SH3GL2: variants seen among roughly 807,000 people sequenced by gnomAD.
SH3GL2 encodes the protein SH3 domain containing GRB2 like 2, endophilin A1, also known as endophilin-A1.
SH3GL2 carries 24 observed loss-of-function variants against 46.0 expected under a neutral mutation model. The ratio of observed to expected loss-of-function variants is 0.52; its 90% CI spans 0.38 to 0.73. The LOEUF is 0.73. Ranked by LOEUF, SH3GL2 falls within the 30% of genes least tolerant of loss-of-function variation. The probability of loss-of-function intolerance (pLI) is 0.00; values close to 1 mark genes in which losing one functional copy is unlikely to be tolerated. For synonymous variants in SH3GL2, 196 were observed against 147.1 expected (o/e 1.33, Z -2.40); for missense variants, 413 against 424.2 (o/e 0.97, Z 0.23).
chr9:17,656,778 A>C (rs1337566777), intron 1 of SH3GL2, among the ~76,000 whole-genome samples: 1 of 150,940 alleles, frequency 6.6e-6, no homozygotes, highest in East Asian at 1.9e-4. Context: ...CTCAAAAAAA[A>C]AAAAAAAAAC....
chr9:17,731,704 C>A (rs1315905605), intron 1 of SH3GL2, among the ~76,000 whole-genome samples: 1 of 152,112 alleles, frequency 6.6e-6, no homozygotes, highest in African/African-American at 2.4e-5. Context: ...TGATAGACTC[C>A]CTCATCGCTG....
At chr9:17,597,654 C>T (rs993367550) in intron 1 of SH3GL2, among the ~76,000 whole-genome samples, 1 of 152,248 alleles carries the variant, frequency 6.6e-6, no homozygotes, top group South Asian at 2.1e-4. Context: ...TTGCAAGATG[C>T]TTCTTTCATA....
At position 17,688,342 on chromosome 9, in the gene SH3GL2, A is replaced by G. The variant is rs558215104; in HGVS notation, c.46-58724A>G. 3.3e-5 allele frequency among the ~76,000 whole-genome samples: 5 copies of G among 152,214 alleles called. No homozygotes were observed. In the South Asian group the frequency reaches 1.0e-3, roughly 32 times the overall value. ...AGCTTGCTTTGATCAACGGTGAAAAAAAATGTAGTTTGGGATGGAAAATGG... is the reference window on the plus strand; with the variant it reads ...AGCTTGCTTTGATCAACGGTGAAAAGAAATGTAGTTTGGGATGGAAAATGG... On this transcript the variant is annotated intron_variant, in intron 1 of 8. Coordinates refer to ENST00000380607, the MANE Select transcript of SH3GL2 (RefSeq NM_003026.5).
At chr9:17,699,510 C>T (rs10756901) in intron 1 of SH3GL2, among the ~76,000 whole-genome samples, 30,116 of 152,124 alleles carry the variant, frequency 0.2, 3,712 homozygotes, top group East Asian at 0.38. Context: ...AAAGGAATTT[C>T]GCTGAAATCT....
At chr9:17,780,115 T>C (rs1406050822) in intron 3 of SH3GL2, among the ~76,000 whole-genome samples, 1 of 152,174 alleles carries the variant, frequency 6.6e-6, no homozygotes, top group African/African-American at 2.4e-5. Context: ...ATACAAAAAG[T>C]ACAACACATA....
chr9:17,647,411 TTCTCTCTCTC>T (rs144759576), intron 1 of SH3GL2, among the ~76,000 whole-genome samples: 3,894 of 150,428 alleles, frequency 0.026, 73 homozygotes, highest in Middle Eastern at 0.052. Flanking sequence ...TCTTGTTAGT[TTCTCTCTCTC>T]TCTCTCTGTC....
intron 1 of SH3GL2, among the ~76,000 whole-genome samples, chr9:17,728,287 G>A (rs1401748741): frequency 6.6e-6 from 1 of 152,034 alleles, no homozygotes; most frequent in Non-Finnish European, 1.5e-5. Context: ...AAGGAAGGGT[G>A]TATGTATTTA....
intron 2 of SH3GL2, among the ~76,000 whole-genome samples, chr9:17,753,868 AG>A (rs1234524546): frequency 1.3e-5 from 2 of 152,168 alleles, no homozygotes; most frequent in Non-Finnish European, 2.9e-5. Context: ...GGTGTAAGGA[AG>A]GGGTCCAGTT....
At chr9:17,586,702 T>C (rs1818383653) in intron 1 of SH3GL2, among the ~76,000 whole-genome samples, 1 of 152,016 alleles carries the variant, frequency 6.6e-6, no homozygotes. Context: ...TATAAAACCG[T>C]CAGCTCTCGT....
intron 1 of SH3GL2, among the ~76,000 whole-genome samples, chr9:17,673,377 T>G (rs910554792): frequency 2.0e-5 from 3 of 151,022 alleles, no homozygotes; most frequent in African/African-American, 7.3e-5. Context: ...TGGTCCCGAA[T>G]GCAGGCTCAA....
intron 3 of SH3GL2, among the ~76,000 whole-genome samples, chr9:17,776,544 G>A (rs574335394): frequency 6.6e-6 from 1 of 152,176 alleles, no homozygotes; most frequent in South Asian, 2.1e-4. Context: ...TGCTATAAAG[G>A]AAGTATTAAT....
intron 1 of SH3GL2, among the ~76,000 whole-genome samples, chr9:17,613,153 T>C (rs1818907466): frequency 6.6e-6 from 1 of 152,172 alleles, no homozygotes; most frequent in African/African-American, 2.4e-5. Flanking sequence ...ATAAGAGTAA[T>C]TTCTTAGTGT....
intron 1 of SH3GL2, among the ~76,000 whole-genome samples, chr9:17,603,148 A>G (rs939818059): frequency 5.3e-5 from 8 of 152,220 alleles, no homozygotes; most frequent in Non-Finnish European, 1.2e-4. Flanking sequence ...TATGAGAAAT[A>G]TCCTGATATG....
chr9:17,626,948 C>T (rs1247189831), intron 1 of SH3GL2, among the ~76,000 whole-genome samples: 1 of 152,140 alleles, frequency 6.6e-6, no homozygotes, highest in Non-Finnish European at 1.5e-5. Flanking sequence ...ATTACTGGTT[C>T]CCTGAGCAGG....
At chr9:17,676,233 C>A (rs906041984) in intron 1 of SH3GL2, among the ~76,000 whole-genome samples, 1 of 152,032 alleles carries the variant, frequency 6.6e-6, no homozygotes, top group Non-Finnish European at 1.5e-5. Flanking sequence ...TTTCTTTTTT[C>A]CTTCCCTTCT....
At chr9:17,724,725 T>G (rs932541190) in intron 1 of SH3GL2, among the ~76,000 whole-genome samples, 10 of 152,174 alleles carry the variant, frequency 6.6e-5, no homozygotes, top group African/African-American at 2.4e-4. Flanking sequence ...TTTGCTCATT[T>G]GTTTATTTGT....
At chr9:17,647,121 C>T (rs1013777677) in intron 1 of SH3GL2, among the ~76,000 whole-genome samples, 15 of 152,276 alleles carry the variant, frequency 9.9e-5, no homozygotes, top group African/African-American at 3.4e-4. Context: ...GGCTTTGTGG[C>T]GCTCAAAATT....
chr9:17,747,054 T>G lies in SH3GL2; in HGVS notation c.46-12T>G. On this transcript the variant is annotated splice_polypyrimidine_tract_variant and intron_variant, in intron 1 of 8. Transcript: ENST00000380607. ...GTTTATAATAATTCTCCTTTGTGGTTATTTTCTACAGAAAGTGAGTGAGAA... is the reference window on the plus strand; with the variant it reads ...GTTTATAATAATTCTCCTTTGTGGTGATTTTCTACAGAAAGTGAGTGAGAA... 6.4e-7 allele frequency: 1 copy of G among 1,573,494 alleles called. No homozygotes were observed. Among genetic ancestry groups the G allele is most frequent in the Non-Finnish European group, 8.7e-7 (1 of 1,145,852 alleles).
At chr9:17,772,769 C>G (rs928358262) in intron 3 of SH3GL2, among the ~76,000 whole-genome samples, 2 of 152,142 alleles carry the variant, frequency 1.3e-5, no homozygotes, top group African/African-American at 4.8e-5. Flanking sequence ...GTTGCTTTCA[C>G]ATTTTAGCTA....
Sources: gnomAD v4.1 joint callset for allele counts (sites outside exome capture counted in the v4.1 genomes callset) on GRCh38, gnomAD v4.1.1 for gene constraint, MANE v1.5 for transcripts, NCBI Gene and HGNC (gene_info 2026-07-23, HGNC 2026-07-21) for gene names.